VWA3A: variants seen among roughly 807,000 people sequenced by gnomAD.
VWA3A encodes von Willebrand factor A domain-containing protein 3A.
A neutral mutation model predicts 160.4 loss-of-function variants in VWA3A; 134 were observed. That is an observed-to-expected ratio of 0.84 (90% CI 0.73 to 0.96). VWA3A has a LOEUF of 0.96. Ranked by LOEUF, VWA3A falls within the 40% of genes least tolerant of loss-of-function variation. The probability of loss-of-function intolerance (pLI) is 0.00; values close to 1 mark genes in which losing one functional copy is unlikely to be tolerated. For missense variants in VWA3A, 1,310 were observed against 1,447.9 expected (o/e 0.90, Z 1.55); for synonymous variants, 476 against 543.4 (o/e 0.88, Z 1.72).
At chr16:22,138,584 A>C (rs1187202861) in intron 22 of VWA3A, 72 bp downstream of exon 22, 8 of 1,586,774 alleles carry the variant, frequency 5.0e-6, no homozygotes, top group East Asian at 4.5e-5. Flanking sequence ...CCTGGGTCTT[A>C]AAATGGCTGG....
At chr16:22,144,747 A>G (rs1323829589) in intron 26 of VWA3A, among the ~76,000 whole-genome samples, 1 of 151,908 alleles carries the variant, frequency 6.6e-6, no homozygotes, top group African/African-American at 2.4e-5. Flanking sequence ...GCAAGACCCC[A>G]TCTCTGAAAA....
intron 16 of VWA3A, 116 bp downstream of exon 16, chr16:22,123,823 T>C (rs2045791095): frequency 1.0e-6 from 1 of 971,502 alleles, no homozygotes; most frequent in Non-Finnish European, 1.5e-6. Context: ...GATTAGGGAT[T>C]AGGAATCTCT....
At chr16:22,145,948 A>G (rs1403906896) in intron 26 of VWA3A, among the ~76,000 whole-genome samples, 1 of 151,786 alleles carries the variant, frequency 6.6e-6, no homozygotes, top group Non-Finnish European at 1.5e-5. Context: ...AGCCTCCCCC[A>G]AGCAGCTGGG....
chr16:22,133,229 C>T, intron 20 of VWA3A, 134 bp downstream of exon 20: 1 of 1,037,152 alleles, frequency 9.6e-7, no homozygotes. Flanking sequence ...AAAACTGTTC[C>T]TCTGAAGATA....
chr16:22,122,988 T>A, intron 14 of VWA3A, 97 bp from the exon 15 acceptor site: 2 of 1,028,524 alleles, frequency 1.9e-6, no homozygotes, highest in South Asian at 1.4e-5. Context: ...CAGAGTCCAC[T>A]TCACTCTCCT....
intron 17 of VWA3A, among the ~76,000 whole-genome samples, chr16:22,127,521 A>G (rs965745517): frequency 2.0e-5 from 3 of 152,168 alleles, no homozygotes; most frequent in Non-Finnish European, 4.4e-5. Context: ...GTAGGTTTTT[A>G]TACAACCTCA....
At chr16:22,092,705 G>A in intron 1 of VWA3A, 54 bp downstream of exon 1, 1 of 1,547,254 alleles carries the variant, frequency 6.5e-7, no homozygotes, top group Admixed American at 2.0e-5. Context: ...TGTCGGGGAG[G>A]CCAGATACTA....
intron 22 of VWA3A, among the ~76,000 whole-genome samples, chr16:22,139,043 G>T (rs1419401421): frequency 4.6e-5 from 7 of 152,086 alleles, no homozygotes; most frequent in Admixed American, 4.6e-4. Context: ...ACCTGTGCTT[G>T]TGAGCAGACT....
chr16:22,145,135 C>T (rs1222117368), intron 26 of VWA3A, among the ~76,000 whole-genome samples: 2 of 152,014 alleles, frequency 1.3e-5, no homozygotes, highest in Non-Finnish European at 1.5e-5. Flanking sequence ...AAATTTAGTA[C>T]AGAATGAAAA....
chr16:22,115,309 A>T (rs2045613852), intron 8 of VWA3A, 38 bp from the exon 9 acceptor site: 1 of 1,538,636 alleles, frequency 6.5e-7, no homozygotes, highest in Non-Finnish European at 8.7e-7. Flanking sequence ...CAATACAAAC[A>T]GTCTTATAAT....
At chr16:22,148,449 A>G in intron 28 of VWA3A, 143 bp downstream of exon 28, 1 of 1,221,854 alleles carries the variant, frequency 8.2e-7, no homozygotes, top group South Asian at 1.6e-5. Context: ...AGGAAAGAGC[A>G]CTGTATTCTG....
chr16:22,130,886 A>C (rs1249298421), intron 17 of VWA3A, among the ~76,000 whole-genome samples: 1 of 151,566 alleles, frequency 6.6e-6, no homozygotes. Context: ...AAAAAAACAA[A>C]CTATAGTATG....
chr16:22,104,609 C>A (rs2045454912), intron 6 of VWA3A, among the ~76,000 whole-genome samples: 1 of 152,006 alleles, frequency 6.6e-6, no homozygotes, highest in African/African-American at 2.4e-5. Flanking sequence ...AGCCCAGGAG[C>A]CTCAAGGCTG....
chr16:22,096,019 A>T (rs1023576452), intron 1 of VWA3A, among the ~76,000 whole-genome samples: 1 of 152,184 alleles, frequency 6.6e-6, no homozygotes, highest in Non-Finnish European at 1.5e-5. Flanking sequence ...AACTAGGGAC[A>T]ATTCTGCTGT....
intron 8 of VWA3A, 106 bp from the exon 9 acceptor site, chr16:22,115,229 TTGCACCACTGCA>T: frequency 1.7e-6 from 2 of 1,189,632 alleles, no homozygotes; most frequent in Admixed American, 3.1e-5. Context: ...TGAGCTATGA[TTGCACCACTGCA>T]CTTCAGCCTG....
Position 22,156,584 on chromosome 16 carries a change from G to T in VWA3A, c.*567G>T, listed in dbSNP as rs1349481042. On this transcript the variant is annotated 3_prime_UTR_variant, in exon 34 of 34. Transcript: ENST00000389398. ...CAGGATCTGCAGGTCCCCAGAAGCT[G>T]CCACATAGGAGACACATGGTGAACA... is the stretch of plus-strand genomic sequence containing the variant. The T allele has an allele frequency of 6.6e-6, 1 of 152,334 alleles. No homozygotes were observed. Among genetic ancestry groups the T allele is most frequent in the Admixed American group, 6.5e-5 (1 of 15,284 alleles). The allele number at this position is 152,334 out of a possible 1,614,324, so 9.4% of individuals were successfully genotyped here.
intron 16 of VWA3A, among the ~76,000 whole-genome samples, 195 bp from the exon 17 acceptor site, chr16:22,125,983 G>A (rs1221520705): frequency 2.0e-5 from 3 of 151,974 alleles, no homozygotes; most frequent in South Asian, 2.1e-4. Context: ...GGAGAGAAGG[G>A]GGGCTTCCAT....
rs1477718980 is a variant in VWA3A at position 22,155,872 on chromosome 16, T to A, written c.3525T>A (p.Asn1175Lys). The A allele has an allele frequency of 6.2e-7, 1 of 1,613,838 alleles. No homozygotes were observed. Among genetic ancestry groups the A allele is most frequent in the Non-Finnish European group, 8.5e-7 (1 of 1,179,870 alleles). Residue 1175 changes from asparagine to lysine, a missense_variant, in exon 33 of 34, where the codon AAT becomes AAA. By Grantham distance (94) the Asn-to-Lys change is moderately conservative. Coordinates refer to ENST00000389398, the MANE Select transcript of VWA3A (RefSeq NM_173615.5). ...QSFRSQLQKK[N>K]DAEPKVTLS Reference sequence around the variant, plus strand: ...CCAGATCCCAACTCCAGAAGAAAAATGATGCAGAACCAAAGGTCACTCTTT... The same window carrying A: ...CCAGATCCCAACTCCAGAAGAAAAAAGATGCAGAACCAAAGGTCACTCTTT...
intron 21 of VWA3A, among the ~76,000 whole-genome samples, chr16:22,135,673 G>C (rs1011467675): frequency 6.6e-6 from 1 of 152,118 alleles, no homozygotes; most frequent in South Asian, 2.1e-4. Flanking sequence ...ACACGTCAAG[G>C]TTATTGCTAA....
Sources: allele counts gnomAD v4.1 joint callset (sites outside exome capture counted in the v4.1 genomes callset), GRCh38; gene constraint gnomAD v4.1.1; transcripts MANE v1.5; gene names NCBI Gene and HGNC (gene_info 2026-07-23, HGNC 2026-07-21).